Variants in CLVS1 observed in about 807,000 individuals in gnomAD.
The protein encoded by CLVS1 is clavesin 1, also known as clavesin-1.
In CLVS1, 10 loss-of-function variants were observed where a neutral mutation model predicts 33.1. That is an observed-to-expected ratio of 0.30 (90% CI 0.19 to 0.51). CLVS1 has a LOEUF of 0.51. Ranked by LOEUF, CLVS1 falls within the 20% of genes least tolerant of loss-of-function variation. The pLI is 0.97. For synonymous variants in CLVS1, 163 were observed against 166.1 expected (o/e 0.98, Z 0.14); for missense variants, 343 against 433.4 (o/e 0.79, Z 1.85).
At chr8:61,141,249 T>TTCTCCCAC (rs1162731533) in intron 2 of CLVS1, among the ~76,000 whole-genome samples, 1 of 152,180 alleles carries the variant, frequency 6.6e-6, no homozygotes, top group Non-Finnish European at 1.5e-5. Context: ...TTTCTTGTCC[T>TTCTCCCAC]TCTCCCACTT....
chr8:61,286,029 T>C (rs1809770889), upstream of CLVS1, among the ~76,000 whole-genome samples: 2 of 151,952 alleles, frequency 1.3e-5, no homozygotes, highest in Admixed American at 1.3e-4. Flanking sequence ...GCAGGCCATT[T>C]TTTTTTTAAG....
At chr8:61,472,706 C>T (rs1435857152) in intron 5 of CLVS1, among the ~76,000 whole-genome samples, 2 of 152,004 alleles carry the variant, frequency 1.3e-5, no homozygotes, top group Non-Finnish European at 2.9e-5. Flanking sequence ...ATACATTATA[C>T]ACAAGTAGGA....
At chr8:60,985,391 G>A in the CLVS1 span, among the ~76,000 whole-genome samples, 25 of 152,010 alleles carry the variant, frequency 1.6e-4, no homozygotes, top group Non-Finnish European at 2.6e-4. Flanking sequence ...CACCTTGATC[G>A]CCACTGGTCC....
intron 3 of CLVS1, among the ~76,000 whole-genome samples, chr8:61,405,599 C>G (rs1278320480): frequency 6.6e-6 from 1 of 152,072 alleles, no homozygotes; most frequent in Non-Finnish European, 1.5e-5. Context: ...CATAACAGGG[C>G]CCCTCTACAA....
At chr8:61,265,913 A>T (rs535410631) in intron 2 of CLVS1, among the ~76,000 whole-genome samples, 2 of 152,170 alleles carry the variant, frequency 1.3e-5, no homozygotes, top group South Asian at 4.2e-4. Flanking sequence ...CTTCCAAGAG[A>T]TCTTCCTGTG....
At chr8:61,335,279 G>A (rs372594564) in intron 2 of CLVS1, among the ~76,000 whole-genome samples, 17 of 152,176 alleles carry the variant, frequency 1.1e-4, no homozygotes, top group East Asian at 5.8e-4. Flanking sequence ...TCTAGTCCTC[G>A]ACAAGAAGGA....
chr8:61,307,845 T>A (rs540950092), intron 2 of CLVS1, among the ~76,000 whole-genome samples: 92 of 152,100 alleles, frequency 6.0e-4, no homozygotes, highest in African/African-American at 2.0e-3. Flanking sequence ...CCTCCCACAC[T>A]CCCACCTTAT....
the CLVS1 span, among the ~76,000 whole-genome samples, chr8:61,033,161 A>AAGAAAGGAAGAAAAAG: frequency 1.1e-5 from 1 of 92,130 alleles, no homozygotes; most frequent in African/African-American, 4.4e-5. Flanking sequence ...GAAAGAAAGA[A>AAGAAAGGAAGAAAAAG]AAAGAAAGAA....
At chr8:61,266,978 C>G (rs983667446) in intron 2 of CLVS1, among the ~76,000 whole-genome samples, 3 of 152,214 alleles carry the variant, frequency 2.0e-5, no homozygotes, top group Admixed American at 2.0e-4. Flanking sequence ...CACACAGAGG[C>G]AGTTTCACTT....
At chr8:61,409,527 C>T (rs1225604694) in intron 3 of CLVS1, among the ~76,000 whole-genome samples, 3 of 152,106 alleles carry the variant, frequency 2.0e-5, no homozygotes, top group African/African-American at 7.2e-5. Flanking sequence ...ATAAATGTAC[C>T]ACAATTTGTT....
intron 2 of CLVS1, among the ~76,000 whole-genome samples, chr8:61,324,998 GCTCT>G (rs1281509263): frequency 1.3e-5 from 2 of 152,126 alleles, no homozygotes; most frequent in African/African-American, 4.8e-5. Flanking sequence ...GCAGCTCCTA[GCTCT>G]CAACAATTTT....
chr8:60,982,832 G>T, the CLVS1 span, among the ~76,000 whole-genome samples: 1 of 152,192 alleles, frequency 6.6e-6, no homozygotes, highest in Admixed American at 6.5e-5. Context: ...CAGTGACTCA[G>T]GAGGCTGAGA....
chr8:61,221,923 G>A (rs1808226792), intron 2 of CLVS1, among the ~76,000 whole-genome samples: 1 of 152,086 alleles, frequency 6.6e-6, no homozygotes, highest in Non-Finnish European at 1.5e-5. Flanking sequence ...TAGTATGTTT[G>A]TATTGAGGAA....
the CLVS1 span, among the ~76,000 whole-genome samples, chr8:60,976,867 G>C: frequency 2.6e-5 from 4 of 152,242 alleles, no homozygotes; most frequent in African/African-American, 9.6e-5. Flanking sequence ...AATTGGGGTT[G>C]TGTGTTTTGA....
At chr8:61,390,090 C>G (rs924354805) in intron 3 of CLVS1, among the ~76,000 whole-genome samples, 1 of 152,138 alleles carries the variant, frequency 6.6e-6, no homozygotes, top group Non-Finnish European at 1.5e-5. Flanking sequence ...AAGTCCTATT[C>G]TTGGGAGTTC....
chr8:61,450,884 T>C lies in CLVS1; in HGVS notation c.631-3257T>C, dbSNP rs139495033. 6.0e-3 allele frequency among the ~76,000 whole-genome samples: 914 copies of C among 152,344 alleles called. 6 individuals are homozygous for C. Among genetic ancestry groups the C allele is most frequent in the African/African-American group, 0.021 (875 of 41,580 alleles). ...TGGAAACATGGTAGATTTTACTTTC[T>C]GATCCCCTGGAAGCCAGGCATGAGT... On this transcript the variant is annotated intron_variant, in intron 3 of 5. Transcript: ENST00000325897.
In CLVS1 at chr8:61,373,542, G is replaced by T. The variant is rs143327775; in HGVS notation, c.456-3063G>T. 5.8e-3 allele frequency among the ~76,000 whole-genome samples: 880 copies of T among 152,296 alleles called. 9 individuals carry two copies. The highest frequency in any genetic ancestry group is 0.021 in the African/African-American group (862 of 41,558). ...GGATATGTGTTGAAAAGATGTGCCA[G>T]CTTGTAGTTAAAGGAGTAAAATGAG... On this transcript the variant is annotated intron_variant, in intron 2 of 5. Coordinates refer to ENST00000325897, the MANE Select transcript of CLVS1 (RefSeq NM_173519.3).
chr8:61,061,206 G>A (rs139472949), intron 1 of CLVS1, among the ~76,000 whole-genome samples: 97 of 152,272 alleles, frequency 6.4e-4, no homozygotes, highest in African/African-American at 2.3e-3. Context: ...CCCAGTTCCC[G>A]ACTTTTACAC....
At chr8:61,332,993 A>T (rs756406282) in intron 2 of CLVS1, among the ~76,000 whole-genome samples, 1 of 152,086 alleles carries the variant, frequency 6.6e-6, no homozygotes, top group African/African-American at 2.4e-5. Context: ...ACCAACCTTT[A>T]TTTAGTTTCG....
Sources: gnomAD v4.1 joint callset for allele counts (sites outside exome capture counted in the v4.1 genomes callset) on GRCh38, gnomAD v4.1.1 for gene constraint, MANE v1.5 for transcripts, NCBI Gene and HGNC (gene_info 2026-07-23, HGNC 2026-07-21) for gene names.